Variants in PARVB observed in about 807,000 individuals in gnomAD.
PARVB encodes parvin beta.
Under a neutral mutation model 47.0 loss-of-function variants are expected in PARVB, and 46 were observed. The observed-to-expected ratio is 0.98, with a 90% CI of 0.77 to 1.25. PARVB has a LOEUF of 1.25. Ranked by LOEUF, PARVB falls within the 50% of genes most tolerant of loss-of-function variation. The pLI is 0.00. For synonymous variants in PARVB, 196 were observed against 196.3 expected (o/e 1.00, Z 0.01); for missense variants, 473 against 471.6 (o/e 1.00, Z -0.03).
upstream of PARVB, among the ~76,000 whole-genome samples, chr22:44,022,522 C>T (rs1032078234): frequency 6.6e-6 from 1 of 152,066 alleles, no homozygotes; most frequent in Non-Finnish European, 1.5e-5. Flanking sequence ...TCTTCACGCC[C>T]CTGGCTGAGG....
intron 4 of PARVB, among the ~76,000 whole-genome samples, chr22:44,128,800 G>C (rs1019654898): frequency 6.6e-6 from 1 of 152,200 alleles, no homozygotes. Context: ...ATAATAGGCT[G>C]GGTGTGATGG....
In PARVB at chr22:44,066,863, T is replaced by C. The variant is rs2051547531; in HGVS notation, c.113-27065T>C. ...CTCCTCTCTTCTTCTTCCTTTTTTT[T>C]CTTCTTTCTTCTTTCTTTTTCTTCT... On this transcript the variant is annotated intron_variant, in intron 1 of 12. Transcript: ENST00000338758. Among the ~76,000 whole-genome samples the C allele has an allele frequency of 2.1e-5, 3 of 141,748 alleles. No homozygotes were observed. In the South Asian group the frequency reaches 6.7e-4, roughly 31 times the overall value. The allele number at this position is 141,748 out of a possible 152,430, so 93.0% of individuals were successfully genotyped here.
chr22:44,038,374 C>T (rs992680829), intron 1 of PARVB, among the ~76,000 whole-genome samples: 1 of 152,212 alleles, frequency 6.6e-6, no homozygotes, highest in Non-Finnish European at 1.5e-5. Flanking sequence ...AGCTGTGACC[C>T]TGGGGAAGGT....
At chr22:44,012,527 C>T (rs990753392) in intron 2 of PARVB, among the ~76,000 whole-genome samples, 1 of 152,204 alleles carries the variant, frequency 6.6e-6, no homozygotes, top group Non-Finnish European at 1.5e-5. Context: ...TTAAATAACA[C>T]CATTTCAAAA....
At chr22:44,024,144 G>GCGGCGCGGGACGGGGACGGCT (rs2050688026), upstream of PARVB, 1 of 173,966 alleles carries the variant, frequency 5.7e-6, no homozygotes, top group Non-Finnish European at 1.1e-5. Context: ...AGCTTGAGCG[G>GCGGCGCGGGACGGGGACGGCT]CGGCGCGGGA....
At chr22:44,007,719 T>TC (rs2050480676) in intron 2 of PARVB, among the ~76,000 whole-genome samples, 2 of 152,328 alleles carry the variant, frequency 1.3e-5, no homozygotes, top group South Asian at 4.1e-4. Flanking sequence ...GGTCTACAGT[T>TC]CCGTGGCTTA....
chr22:44,054,994 A>C (rs1689210375), intron 1 of PARVB, among the ~76,000 whole-genome samples: 3 of 115,832 alleles, frequency 2.6e-5, no homozygotes, highest in African/African-American at 6.2e-5. Context: ...CCATCTCAAA[A>C]AAAAAAAAAA....
chr22:44,080,289 C>A (rs2051871153), intron 1 of PARVB, among the ~76,000 whole-genome samples: 1 of 152,202 alleles, frequency 6.6e-6, no homozygotes, highest in Non-Finnish European at 1.5e-5. Context: ...CAACACAAAT[C>A]TATTATTTTA....
At chr22:44,041,834 G>A (rs1461435327) in intron 1 of PARVB, among the ~76,000 whole-genome samples, 3 of 152,106 alleles carry the variant, frequency 2.0e-5, no homozygotes, top group South Asian at 2.1e-4. Context: ...GCAGTGAGTC[G>A]AGATTGCACC....
intron 1 of PARVB, among the ~76,000 whole-genome samples, chr22:44,090,093 C>T (rs979329095): frequency 5.3e-5 from 8 of 152,196 alleles, no homozygotes; most frequent in Non-Finnish European, 8.8e-5. Context: ...CTCACGGTTC[C>T]CCTTATTCCT....
At chr22:44,133,834 G>A (rs533192642) in intron 6 of PARVB, among the ~76,000 whole-genome samples, 1 of 152,320 alleles carries the variant, frequency 6.6e-6, no homozygotes, top group South Asian at 2.1e-4. Context: ...GCCATGCCTG[G>A]CCTTATTTCC....
intron 1 of PARVB, among the ~76,000 whole-genome samples, chr22:44,080,864 C>T (rs2054581609): frequency 6.6e-6 from 1 of 152,120 alleles, no homozygotes; most frequent in African/African-American, 2.4e-5. Context: ...CAGAGCAGGC[C>T]ATGCATCTGT....
intron 12 of PARVB, 24 bp downstream of exon 12, chr22:44,163,954 C>G (rs1422154702): frequency 6.3e-7 from 1 of 1,591,670 alleles, no homozygotes; most frequent in East Asian, 2.3e-5. Context: ...CTCAGGTTCC[C>G]CCGGGAGAGG....
rs777273800 is a variant in PARVB at position 44,163,845 on chromosome 22, C to A, written c.946-13C>A. The A allele has an allele frequency of 2.6e-5, 41 of 1,601,756 alleles. No homozygotes were observed. The African/African-American group carries it at 4.8e-4, about 19-fold the overall frequency. ...TTGGACCCTAACGCTGACCCACCCC[C>A]CTTCCTTGGCAGGTCCACAATGTGT... is the stretch of plus-strand genomic sequence containing the variant. On this transcript the variant is annotated splice_polypyrimidine_tract_variant and intron_variant, in intron 11 of 12. Coordinates refer to ENST00000338758, the MANE Select transcript of PARVB (RefSeq NM_013327.5).
intron 1 of PARVB, among the ~76,000 whole-genome samples, chr22:44,043,051 C>G (rs961111718): frequency 6.6e-6 from 1 of 152,046 alleles, no homozygotes; most frequent in Non-Finnish European, 1.5e-5. Flanking sequence ...TCCATCCATA[C>G]GATAGAATAC....
chr22:44,056,713 C>T (rs1184795028), intron 1 of PARVB, among the ~76,000 whole-genome samples: 2 of 149,962 alleles, frequency 1.3e-5, no homozygotes, highest in Non-Finnish European at 3.0e-5. Flanking sequence ...ACTATGTTGC[C>T]CAGGGTGGCC....
intron 2 of PARVB, among the ~76,000 whole-genome samples, chr22:44,005,680 C>T (rs2050457472): frequency 6.6e-6 from 1 of 152,164 alleles, no homozygotes; most frequent in African/African-American, 2.4e-5. Context: ...AACCCTCCCA[C>T]CTTTCCACTG....
At chr22:44,007,801 T>C (rs2050481460) in intron 2 of PARVB, among the ~76,000 whole-genome samples, 1 of 152,172 alleles carries the variant, frequency 6.6e-6, no homozygotes, top group African/African-American at 2.4e-5. Context: ...AAGCTGAACC[T>C]GCACCCATTA....
intron 2 of PARVB, among the ~76,000 whole-genome samples, chr22:44,014,063 AAAG>A (rs2050552617): frequency 6.6e-6 from 1 of 152,234 alleles, no homozygotes; most frequent in South Asian, 2.1e-4. Context: ...TTGAAAAAGA[AAAG>A]AAGAGAAAAA....
Sources: allele counts gnomAD v4.1 joint callset (sites outside exome capture counted in the v4.1 genomes callset), GRCh38; gene constraint gnomAD v4.1.1; transcripts MANE v1.5; gene names NCBI Gene and HGNC (gene_info 2026-07-23, HGNC 2026-07-21).